Variants in STK32A observed in about 807,000 individuals in gnomAD.
The protein encoded by STK32A is serine/threonine-protein kinase 32A.
A neutral mutation model predicts 53.2 loss-of-function variants in STK32A; 41 were observed. That is an observed-to-expected ratio of 0.77 (90% CI 0.60 to 1.00). The LOEUF (loss-of-function observed/expected upper bound fraction) is 1.00, where lower values mean the gene tolerates loss of function less well. STK32A is among the 50% of genes least tolerant of loss of function. The pLI is 0.00. For missense variants in STK32A, 458 were observed against 485.8 expected, an observed-to-expected ratio of 0.94 and a Z score of 0.54; for synonymous variants, 166 against 162.8, an observed-to-expected ratio of 1.02 and a Z score of -0.15.
chr5:147,277,524 G>T (rs1219285709), intron 2 of STK32A, among the ~76,000 whole-genome samples: 2 of 152,216 alleles, frequency 1.3e-5, no homozygotes, highest in Non-Finnish European at 2.9e-5. Flanking sequence ...GCACTTTGGA[G>T]ATTAGTTCAT....
At chr5:147,254,458 A>T (rs1461578604) in intron 2 of STK32A, among the ~76,000 whole-genome samples, 1 of 152,194 alleles carries the variant, frequency 6.6e-6, no homozygotes, top group African/African-American at 2.4e-5. Context: ...GTTATATATA[A>T]AGTTTCAGTG....
chr5:147,357,053 G>T (rs1441300112), intron 7 of STK32A, among the ~76,000 whole-genome samples: 2 of 152,084 alleles, frequency 1.3e-5, no homozygotes, highest in Admixed American at 1.3e-4. Flanking sequence ...TAAGGCACAT[G>T]TTAATTAGCT....
chr5:147,394,752 A>G, the STK32A span, among the ~76,000 whole-genome samples: 1 of 151,598 alleles, frequency 6.6e-6, no homozygotes, highest in African/African-American at 2.4e-5. Flanking sequence ...TGGCAAAGTT[A>G]CCTCCAAACT....
Position 147,243,221 on chromosome 5 carries a change from C to A in STK32A, c.52+3535C>A, listed in dbSNP as rs1410084702. On this transcript the variant is annotated intron_variant, in intron 2 of 12. Coordinates refer to ENST00000397936, the MANE Select transcript of STK32A (RefSeq NM_001112724.2). ...AAAAACATTTAACCAATAATTTTCC[C>A]AAGTAATGTTTCAAGAATTCTCTCT... Among the ~76,000 whole-genome samples the A allele has an allele frequency of 1.7e-5, 2 of 119,266 alleles. 1 individual carries two copies. Among genetic ancestry groups the A allele is most frequent in the Non-Finnish European group, 3.7e-5 (2 of 54,772 alleles). 78.2% of individuals were successfully genotyped at this position (119,266 alleles called of 152,430 possible).
intron 2 of STK32A, among the ~76,000 whole-genome samples, chr5:147,250,545 G>C (rs1354150886): frequency 6.6e-6 from 1 of 152,298 alleles, no homozygotes; most frequent in South Asian, 2.1e-4. Context: ...AAAAATCTAT[G>C]GGAGTAGGCA....
rs1457331831 is a variant in STK32A, at chr5:147,351,272, T to G, written c.562+118T>G. ...GTAAGTTCCTCTCTGACTTTACCTGTGGAGCTTCTGATTTCATGGGTCTTC... is the reference window on the plus strand; with the variant it reads ...GTAAGTTCCTCTCTGACTTTACCTGGGGAGCTTCTGATTTCATGGGTCTTC... On this transcript the variant is annotated intron_variant, in intron 7 of 12. Coordinates refer to ENST00000397936, the MANE Select transcript of STK32A (RefSeq NM_001112724.2). The G allele has an allele frequency of 8.6e-6, 7 of 811,144 alleles. No homozygotes were observed. In the East Asian group the frequency reaches 1.6e-4, roughly 19 times the overall value. 50.2% of individuals were successfully genotyped at this position (811,144 alleles called of 1,614,324 possible). A position where few individuals can be genotyped will look rare whatever the true frequency, so the allele number is the denominator to read the frequency against.
the STK32A span, among the ~76,000 whole-genome samples, chr5:147,401,200 C>T: frequency 1.3e-5 from 2 of 152,174 alleles, no homozygotes; most frequent in Non-Finnish European, 2.9e-5. Context: ...CTTCTCTGAC[C>T]TTCAGTTGCT....
intron 4 of STK32A, among the ~76,000 whole-genome samples, chr5:147,313,640 A>G (rs1753812517): frequency 6.6e-6 from 1 of 152,250 alleles, no homozygotes. Context: ...TTGAAAAAGA[A>G]GAGCAAAGTT....
intron 5 of STK32A, among the ~76,000 whole-genome samples, chr5:147,328,183 G>A (rs1366444459): frequency 6.6e-6 from 1 of 152,192 alleles, no homozygotes; most frequent in Non-Finnish European, 1.5e-5. Flanking sequence ...CCTAGCAAGA[G>A]GAGCTCAATG....
chr5:147,272,519 A>G (rs1393189129), intron 2 of STK32A, among the ~76,000 whole-genome samples: 1 of 152,242 alleles, frequency 6.6e-6, no homozygotes, highest in Non-Finnish European at 1.5e-5. Context: ...GCAATGTGTT[A>G]TACAGAAAGG....
intron 2 of STK32A, among the ~76,000 whole-genome samples, chr5:147,241,916 T>C (rs1050532636): frequency 1.5e-4 from 23 of 152,288 alleles, no homozygotes; most frequent in African/African-American, 5.1e-4. Flanking sequence ...TAGAATAGCA[T>C]TATGATGAGA....
At chr5:147,339,388 TC>T (rs1419013627) in intron 5 of STK32A, among the ~76,000 whole-genome samples, 2 of 152,194 alleles carry the variant, frequency 1.3e-5, no homozygotes, top group African/African-American at 4.8e-5. Context: ...TGCCTAGATG[TC>T]CCGACAGAGT....
intron 4 of STK32A, among the ~76,000 whole-genome samples, chr5:147,306,019 T>G (rs922012934): frequency 6.6e-6 from 1 of 151,870 alleles, no homozygotes; most frequent in Non-Finnish European, 1.5e-5. Flanking sequence ...TACATAGGTT[T>G]AGCTGGCAAA....
chr5:147,278,205 C>T (rs777323672), intron 3 of STK32A, 26 bp downstream of exon 3: 1 of 1,575,696 alleles, frequency 6.3e-7, no homozygotes, highest in South Asian at 1.2e-5. Flanking sequence ...AATGATTAAC[C>T]ACCAGCAGGG....
chr5:147,283,723 A>T (rs922414803), intron 4 of STK32A, among the ~76,000 whole-genome samples: 2 of 152,178 alleles, frequency 1.3e-5, no homozygotes, highest in African/African-American at 4.8e-5. Flanking sequence ...GGAAAAATAT[A>T]ACTCTCCTAG....
the STK32A span, among the ~76,000 whole-genome samples, chr5:147,395,025 A>C: frequency 6.6e-6 from 1 of 152,242 alleles, no homozygotes; most frequent in Non-Finnish European, 1.5e-5. Flanking sequence ...GAGTTCGTAA[A>C]GAATAGGTAA....
intron 8 of STK32A, among the ~76,000 whole-genome samples, chr5:147,364,022 C>A (rs183725608): frequency 1.3e-5 from 2 of 151,924 alleles, no homozygotes; most frequent in South Asian, 2.1e-4. Context: ...TCGAGTCCAA[C>A]CTGATCAACA....
intron 4 of STK32A, among the ~76,000 whole-genome samples, chr5:147,303,792 C>T (rs1753260348): frequency 6.6e-6 from 1 of 152,128 alleles, no homozygotes. Context: ...GCATATGACC[C>T]TGATGAACTT....
chr5:147,344,014 T>C (rs1292047835), intron 6 of STK32A, among the ~76,000 whole-genome samples: 3 of 152,194 alleles, frequency 2.0e-5, no homozygotes, highest in African/African-American at 4.8e-5. Flanking sequence ...TTGTGTATAT[T>C]GGGATTTATT....
Sources: allele counts gnomAD v4.1 joint callset (sites outside exome capture counted in the v4.1 genomes callset), GRCh38; gene constraint gnomAD v4.1.1; transcripts MANE v1.5; gene names NCBI Gene and HGNC (gene_info 2026-07-23, HGNC 2026-07-21).